Variants in NRXN3 observed in about 807,000 individuals in gnomAD.
The protein encoded by NRXN3 is neurexin 3.
A neutral mutation model predicts 137.6 loss-of-function variants in NRXN3; 32 were observed. That is an observed-to-expected ratio of 0.23 (90% CI 0.18 to 0.31). The LOEUF is 0.31. NRXN3 is among the 10% of genes least tolerant of loss of function. NRXN3 has a pLI of 1.00. For missense variants in NRXN3, 1,574 were observed against 2,062.5 expected, an observed-to-expected ratio of 0.76 and a Z score of 4.59; for synonymous variants, 798 against 784.5, an observed-to-expected ratio of 1.02 and a Z score of -0.29.
At position 79,421,275 on chromosome 14, in the gene NRXN3, T is replaced by C. The variant is rs146729731; in HGVS notation, c.3263-45946T>C. 1.3e-3 allele frequency among the ~76,000 whole-genome samples: 201 copies of C among 152,272 alleles called. 1 individual carries two copies. Among genetic ancestry groups the C allele is most frequent in the African/African-American group, 4.5e-3 (189 of 41,556 alleles). On this transcript the variant is annotated intron_variant, in intron 15 of 20. Transcript: ENST00000335750. ...ACTAAGATATTTTAATATACTTCAG[T>C]GGGAAAGGCTCTGATCCAGAAATTT... is the stretch of plus-strand genomic sequence containing the variant.
At chr14:79,104,217 T>A (rs938615336) in intron 15 of NRXN3, among the ~76,000 whole-genome samples, 4 of 152,188 alleles carry the variant, frequency 2.6e-5, no homozygotes, top group African/African-American at 9.6e-5. Context: ...GAATGGAAGT[T>A]CCATGTCAAT....
chr14:78,697,253 C>G (rs575171715), intron 6 of NRXN3, among the ~76,000 whole-genome samples: 1 of 151,910 alleles, frequency 6.6e-6, no homozygotes, highest in Non-Finnish European at 1.5e-5. Context: ...CATCCTATGT[C>G]CCTTTTCTCC....
chr14:79,536,392 A>T (rs1049453885), intron 16 of NRXN3, among the ~76,000 whole-genome samples: 2 of 152,164 alleles, frequency 1.3e-5, no homozygotes, highest in African/African-American at 4.8e-5. Flanking sequence ...TTTGGAGCCA[A>T]GGGAACTCAG....
intron 16 of NRXN3, among the ~76,000 whole-genome samples, chr14:79,533,905 T>G (rs1414020030): frequency 3.3e-5 from 5 of 152,204 alleles, no homozygotes; most frequent in Non-Finnish European, 7.3e-5. Context: ...TACTTAATGC[T>G]CTATAGTAAT....
chr14:79,176,003 T>C (rs2062301878), intron 15 of NRXN3, among the ~76,000 whole-genome samples: 1 of 152,150 alleles, frequency 6.6e-6, no homozygotes, highest in African/African-American at 2.4e-5. Context: ...TTTAGGAAGT[T>C]TATGAACTAA....
intron 3 of NRXN3, among the ~76,000 whole-genome samples, chr14:78,294,731 G>C (rs1051423502): frequency 2.6e-5 from 4 of 152,160 alleles, no homozygotes; most frequent in South Asian, 2.1e-4. Context: ...TTAGAAAGTA[G>C]CACAGATGGA....
chr14:78,428,837 C>T (rs2093761488), intron 4 of NRXN3, among the ~76,000 whole-genome samples: 1 of 152,166 alleles, frequency 6.6e-6, no homozygotes, highest in Non-Finnish European at 1.5e-5. Flanking sequence ...AGCCTATGCA[C>T]AGTCAATCTG....
At chr14:78,222,149 T>A (rs2063917316) in intron 1 of NRXN3, among the ~76,000 whole-genome samples, 1 of 152,044 alleles carries the variant, frequency 6.6e-6, no homozygotes, top group South Asian at 2.1e-4. Flanking sequence ...GAGACATCAT[T>A]TGATTAGAGA....
intron 10 of NRXN3, among the ~76,000 whole-genome samples, chr14:78,955,054 C>A (rs976939791): frequency 6.6e-6 from 1 of 152,044 alleles, no homozygotes; most frequent in Admixed American, 6.6e-5. Flanking sequence ...AAAAATTAAG[C>A]GATGTACAAA....
chr14:79,020,684 T>A (rs1259739155), intron 15 of NRXN3, among the ~76,000 whole-genome samples: 1 of 152,004 alleles, frequency 6.6e-6, no homozygotes, highest in East Asian at 1.9e-4. Flanking sequence ...AAGAAACCCA[T>A]CAAGGAACAT....
intron 19 of NRXN3, among the ~76,000 whole-genome samples, chr14:79,706,545 C>T (rs997570571): frequency 6.6e-6 from 1 of 150,966 alleles, no homozygotes; most frequent in African/African-American, 2.4e-5. Context: ...AGGAGGAAAG[C>T]CTCCTAAATG....
intron 15 of NRXN3, among the ~76,000 whole-genome samples, chr14:79,127,738 T>C (rs1230755824): frequency 2.6e-5 from 4 of 152,214 alleles, no homozygotes; most frequent in Non-Finnish European, 4.4e-5. Context: ...TTTATGGGGA[T>C]GGTATTGAAT....
At chr14:79,452,056 A>G (rs573719593) in intron 15 of NRXN3, among the ~76,000 whole-genome samples, 7 of 152,144 alleles carry the variant, frequency 4.6e-5, no homozygotes, top group African/African-American at 1.4e-4. Context: ...GACAGACAGG[A>G]TATATGGCTG....
chr14:78,894,667 G>T (rs1024669527), intron 10 of NRXN3, among the ~76,000 whole-genome samples: 6 of 151,780 alleles, frequency 4.0e-5, no homozygotes, highest in East Asian at 3.9e-4. Flanking sequence ...TTTTCCATTT[G>T]CTTTATCCAT....
chr14:79,163,919 C>T (rs2061044969), intron 15 of NRXN3, among the ~76,000 whole-genome samples: 1 of 151,834 alleles, frequency 6.6e-6, no homozygotes, highest in Admixed American at 6.6e-5. Flanking sequence ...TATTTTCTTC[C>T]TCGTCTGTTT....
chr14:79,352,155 G>A (rs1180834370), intron 15 of NRXN3, among the ~76,000 whole-genome samples: 2 of 152,058 alleles, frequency 1.3e-5, no homozygotes, highest in East Asian at 3.8e-4. Flanking sequence ...TATTTCTCTT[G>A]TTAACAGCTC....
At chr14:79,490,230 A>G (rs2096703409) in intron 16 of NRXN3, among the ~76,000 whole-genome samples, 1 of 152,150 alleles carries the variant, frequency 6.6e-6, no homozygotes, top group Non-Finnish European at 1.5e-5. Context: ...GTAAATTAGT[A>G]CAATCACTAT....
chr14:79,544,211 CA>C (rs1459196653), intron 16 of NRXN3, among the ~76,000 whole-genome samples: 1 of 152,222 alleles, frequency 6.6e-6, no homozygotes, highest in Non-Finnish European at 1.5e-5. Flanking sequence ...AATGGTGCCT[CA>C]GGGGGTCTGA....
At chr14:79,378,547 G>C (rs1417880865) in intron 15 of NRXN3, among the ~76,000 whole-genome samples, 1 of 152,164 alleles carries the variant, frequency 6.6e-6, no homozygotes, top group Non-Finnish European at 1.5e-5. Flanking sequence ...AAGTACAGAG[G>C]AGTGTTCCTA....
Sources: gnomAD v4.1 joint callset for allele counts (sites outside exome capture counted in the v4.1 genomes callset) on GRCh38, gnomAD v4.1.1 for gene constraint, MANE v1.5 for transcripts, NCBI Gene and HGNC (gene_info 2026-07-23, HGNC 2026-07-21) for gene names.